WWP2: variants seen among roughly 807,000 people sequenced by gnomAD.
WWP2 encodes WW domain containing E3 ubiquitin protein ligase 2, also known as NEDD4-like E3 ubiquitin-protein ligase WWP2.
In WWP2, 57 loss-of-function variants were observed where a neutral mutation model predicts 121.0. The observed-to-expected ratio is 0.47, with a 90% CI of 0.38 to 0.59. The LOEUF is 0.59. Ranked by LOEUF, WWP2 falls within the 20% of genes least tolerant of loss-of-function variation. WWP2 has a pLI of 0.00. For missense variants in WWP2, 962 were observed against 1,158.9 expected (o/e 0.83, Z 2.47); for synonymous variants, 449 against 441.3 (o/e 1.02, Z -0.22).
chr16:69,931,062 A>G (rs1441232199), intron 13 of WWP2, 90 bp from the exon 14 acceptor site: 8 of 1,247,624 alleles, frequency 6.4e-6, no homozygotes, highest in Non-Finnish European at 9.3e-6. Flanking sequence ...TTAAATTAAC[A>G]TAGCACCAGC....
intron 4 of WWP2, among the ~76,000 whole-genome samples, chr16:69,807,319 G>A (rs2056299871): frequency 6.6e-6 from 1 of 152,128 alleles, no homozygotes; most frequent in Admixed American, 6.5e-5. Flanking sequence ...ACAGGCGTGA[G>A]CCACCGTGCC....
At chr16:69,780,355 TATATC>T (rs1336374359) in intron 1 of WWP2, among the ~76,000 whole-genome samples, 1 of 151,886 alleles carries the variant, frequency 6.6e-6, no homozygotes, top group African/African-American at 2.4e-5. Flanking sequence ...ATTTTAGAAA[TATATC>T]AATTTATCCA....
chr16:69,764,062 C>T lies in WWP2; in HGVS notation c.-16+1671C>T, dbSNP rs527925129. On this transcript the variant is annotated intron_variant, in intron 1 of 23. Transcript: ENST00000359154. ...TTGAAATTGGGATGGTCAGTATTGT[C>T]CCTATATCACATGAAGAGACTGAGG... Among the ~76,000 whole-genome samples, 12 of 152,274 alleles carry T rather than the reference C, an allele frequency of 7.9e-5. No homozygotes were observed. In the South Asian group the frequency reaches 1.9e-3, roughly 24 times the overall value.
intron 10 of WWP2, among the ~76,000 whole-genome samples, chr16:69,921,805 G>A (rs2058566289): frequency 6.6e-6 from 1 of 152,172 alleles, no homozygotes; most frequent in Admixed American, 6.6e-5. Flanking sequence ...TGGGCGCGGT[G>A]GCTCACGCCT....
At chr16:69,931,988 C>A in intron 16 of WWP2, 98 bp downstream of exon 16, 1 of 1,181,684 alleles carries the variant, frequency 8.5e-7, no homozygotes, top group Non-Finnish European at 1.2e-6. Context: ...CACATTCCCT[C>A]CCAAAGCTCT....
intron 10 of WWP2, among the ~76,000 whole-genome samples, chr16:69,918,308 A>G (rs954258148): frequency 2.6e-5 from 4 of 152,144 alleles, no homozygotes; most frequent in African/African-American, 9.7e-5. Flanking sequence ...AAAACCTGCT[A>G]CTGTTTTTTG....
At chr16:69,900,615 T>G (rs1189549943) in intron 8 of WWP2, among the ~76,000 whole-genome samples, 1 of 152,068 alleles carries the variant, frequency 6.6e-6, no homozygotes, top group East Asian at 1.9e-4. Context: ...CTCCGCCTCC[T>G]GGACTCAAGC....
At chr16:69,806,272 CTAG>C (rs1249049039) in intron 4 of WWP2, among the ~76,000 whole-genome samples, 1 of 152,068 alleles carries the variant, frequency 6.6e-6, no homozygotes, top group African/African-American at 2.4e-5. Flanking sequence ...TAGAATATAC[CTAG>C]TTGCTCAAGA....
At position 69,874,655 on chromosome 16, in the gene WWP2, C is replaced by T. The variant is rs557880897; in HGVS notation, c.703+2724C>T. On this transcript the variant is annotated intron_variant, in intron 7 of 23. Transcript: ENST00000359154. ...CAAGAAATAGACGAATGGCATAGCC[C>T]TTCATTGAGACTTGTATGGGATGAT... 1.8e-4 allele frequency among the ~76,000 whole-genome samples: 28 copies of T among 152,166 alleles called. No individual in the cohort carries two copies. The South Asian group carries it at 4.6e-3, about 25-fold the overall frequency.
At chr16:69,834,042 G>T (rs753295562) in intron 4 of WWP2, among the ~76,000 whole-genome samples, 3 of 152,212 alleles carry the variant, frequency 2.0e-5, no homozygotes, top group Non-Finnish European at 4.4e-5. Context: ...CTCCTACCTG[G>T]TCTTGTGTAC....
In WWP2 at chr16:69,782,054, G is replaced by A. The variant is rs559823832; in HGVS notation, c.-15-4942G>A. Among the ~76,000 whole-genome samples, 229 of 152,170 alleles carry A rather than the reference G, an allele frequency of 1.5e-3. 2 individuals carry two copies. Among genetic ancestry groups the A allele is most frequent in the African/African-American group, 5.1e-3 (213 of 41,524 alleles). Reference sequence around the variant, plus strand: ...TCCCAGCACTTTGGGAGGCTGAGACGGGCGGATCACCTGAGGTCAGGAGTT... The same window carrying A: ...TCCCAGCACTTTGGGAGGCTGAGACAGGCGGATCACCTGAGGTCAGGAGTT... On this transcript the variant is annotated intron_variant, in intron 1 of 23. Coordinates refer to ENST00000359154, the MANE Select transcript of WWP2 (RefSeq NM_001270454.2).
At chr16:69,801,908 A>G (rs28788800) in intron 4 of WWP2, among the ~76,000 whole-genome samples, 1,848 of 151,946 alleles carry the variant, frequency 0.012, 28 homozygotes, top group African/African-American at 0.036. Context: ...TTAAAAATGT[A>G]TCAATATATA....
chr16:69,824,497 T>TCCCTCCCTCCCTTCCCCCCTCC (rs2056648819), intron 4 of WWP2, among the ~76,000 whole-genome samples: 1 of 122,812 alleles, frequency 8.1e-6, no homozygotes, highest in African/African-American at 3.1e-5. Flanking sequence ...ATAATATCCC[T>TCCCTCCCTCCCTTCCCCCCTCC]CCCTCCCTCC....
chr16:69,797,082 A>G (rs1174885483), intron 2 of WWP2, among the ~76,000 whole-genome samples: 1 of 152,106 alleles, frequency 6.6e-6, no homozygotes, highest in Non-Finnish European at 1.5e-5. Context: ...AGACGTCTAG[A>G]TGTGTTTTAC....
At chr16:69,929,359 C>G (rs1392033159) in intron 11 of WWP2, 89 bp from the exon 12 acceptor site, 5 of 1,240,322 alleles carry the variant, frequency 4.0e-6, no homozygotes. Flanking sequence ...TAAACTCAGA[C>G]CCAGCACCCA....
At chr16:69,768,529 G>A (rs1333591271) in intron 1 of WWP2, among the ~76,000 whole-genome samples, 2 of 152,190 alleles carry the variant, frequency 1.3e-5, no homozygotes, top group Non-Finnish European at 2.9e-5. Context: ...AGAATCGCTT[G>A]AACCCAGGAG....
chr16:69,938,984 C>T lies in WWP2; in HGVS notation c.2344-43C>T, dbSNP rs572719175. 2.3e-5 allele frequency: 35 copies of T among 1,545,740 alleles called. No homozygotes were observed. In the South Asian group the frequency reaches 3.5e-4, roughly 16 times the overall value. The stretch of plus-strand genomic sequence containing the variant: ...CTCCACGTTCGGGCAAAGTACTGGG[C>T]CCCGTGGGTTGCCTGACTGTGCCTT... On this transcript the variant is annotated intron_variant, in intron 21 of 23. Coordinates refer to ENST00000359154, the MANE Select transcript of WWP2 (RefSeq NM_001270454.2).
rs191512195 is a variant in WWP2, at chr16:69,935,344, C to T, written c.1843-509C>T. ...CACATTCTTCCCAGGTCTAGAGACC[C>T]GCCTGGCCCAGCAGCCAGCAGGACA... On this transcript the variant is annotated intron_variant, in intron 17 of 23. Coordinates refer to ENST00000359154, the MANE Select transcript of WWP2 (RefSeq NM_001270454.2). This position sits in a 1 kb window ranked among gnomAD's most constrained non-coding sequence, Gnocchi z 5.2. Among the ~76,000 whole-genome samples the T allele has an allele frequency of 1.3e-5, 2 of 152,274 alleles. No individual in the cohort carries two copies. Among genetic ancestry groups the T allele is most frequent in the East Asian group, 3.9e-4 (2 of 5,176 alleles).
At chr16:69,846,554 C>T (rs1023158485) in intron 6 of WWP2, among the ~76,000 whole-genome samples, 3 of 152,052 alleles carry the variant, frequency 2.0e-5, no homozygotes, top group Admixed American at 2.0e-4. Flanking sequence ...AACTTCTTCT[C>T]TACTAAAAAT....
Sources: allele counts gnomAD v4.1 joint callset (sites outside exome capture counted in the v4.1 genomes callset), GRCh38; gene constraint gnomAD v4.1.1; non-coding constraint Gnocchi (gnomAD v3.1); transcripts MANE v1.5; gene names NCBI Gene and HGNC (gene_info 2026-07-23, HGNC 2026-07-21).